Variants in BRCC3 observed in about 807,000 individuals in gnomAD.
BRCC3 encodes the protein BRCA1/BRCA2-containing complex subunit 3.
In BRCC3, 15 loss-of-function variants were observed where a neutral mutation model predicts 28.0. That is an observed-to-expected ratio of 0.54 (90% confidence interval 0.36 to 0.82). The LOEUF (loss-of-function observed/expected upper bound fraction) is 0.82. Ranked by LOEUF, BRCC3 falls within the 40% of genes least tolerant of loss-of-function variation. The probability of loss-of-function intolerance (pLI) is 0.01; values close to 1 mark genes in which losing one functional copy is unlikely to be tolerated. For synonymous variants in BRCC3, 66 were observed against 80.3 expected (o/e 0.82, Z 0.95); for missense variants, 109 against 225.9 (o/e 0.48, Z 3.32).
Position 155,078,637 on chromosome X carries a change from C to A in BRCC3, c.337C>A (p.Arg113Ser). 5 of 1,198,934 alleles carry A rather than the reference C, an allele frequency of 4.2e-6. No homozygotes were observed. The highest frequency in any genetic ancestry group is 5.6e-6 in the Non-Finnish European group (5 of 888,301). ...ACACAGGTTGGCTGAACTGACAGGCCGCCCCATGAGAGTTGTGGGCTGGTA... is the reference window on the plus strand; with the variant it reads ...ACACAGGTTGGCTGAACTGACAGGCAGCCCCATGAGAGTTGTGGGCTGGTA... ...EAERLAELTG[R>S]PMRVVGWYHS... The change falls in exon 5 of 11, where the codon CGC (arginine) becomes AGC (serine). Residue 113 changes from arginine to serine, a missense_variant. Coordinates refer to ENST00000330045, the MANE Select transcript of BRCC3 (RefSeq NM_001018055.3).
At chrX:155,074,531 C>G (rs990007380) in intron 3 of BRCC3, among the ~76,000 whole-genome samples, 5 of 111,723 alleles carry the variant, frequency 4.5e-5, no homozygotes, top group African/African-American at 1.6e-4. Flanking sequence ...TTGTGGACTC[C>G]TCTTCCTCCT....
At chrX:155,106,840 T>C (rs1463364918) in intron 7 of BRCC3, among the ~76,000 whole-genome samples, 2 of 112,267 alleles carry the variant, frequency 1.8e-5, no homozygotes, top group Non-Finnish European at 3.8e-5. Context: ...GCTTTCTTTC[T>C]GTAATGGGGT....
intron 3 of BRCC3, 94 bp downstream of exon 3, chrX:155,073,525 T>C: frequency 1.0e-6 from 1 of 959,354 alleles, no homozygotes; most frequent in Non-Finnish European, 1.4e-6. Flanking sequence ...GGTTTCTGGC[T>C]GGATGAGATA....
chrX:155,105,414 C>T (rs1010181083), intron 7 of BRCC3, among the ~76,000 whole-genome samples: 3 of 111,364 alleles, frequency 2.7e-5, no homozygotes, highest in Non-Finnish European at 5.7e-5. Context: ...ACCCGGGAGG[C>T]GGAGGTTGCA....
At chrX:155,079,752 A>G (rs1201989662) in intron 5 of BRCC3, among the ~76,000 whole-genome samples, 7 of 111,342 alleles carry the variant, frequency 6.3e-5, no homozygotes, top group African/African-American at 2.3e-4. Context: ...AGATTTGCCA[A>G]ACTTTAACAT....
chrX:155,086,507 C>A (rs1037032071), intron 5 of BRCC3, among the ~76,000 whole-genome samples: 1 of 110,930 alleles, frequency 9.0e-6, no homozygotes, highest in Non-Finnish European at 1.9e-5. Flanking sequence ...CGCGCCACCA[C>A]GCCTGGCTAA....
rs1026151257 is a variant in BRCC3, at chrX:155,121,591, G to A, written c.*387G>A. The A allele has an allele frequency of 8.9e-6, 1 of 112,078 alleles. No homozygotes were observed. The highest frequency in any genetic ancestry group is 3.2e-5 in the African/African-American group (1 of 30,868). The allele number at this position is 112,078 out of a possible 1,213,427, so 9.2% of individuals were successfully genotyped here. ...CAAAATGTATAACGGACTTAAATGT[G>A]ATACATAAAACTAGATAACTTTGAA... On this transcript the variant is annotated 3_prime_UTR_variant, in exon 11 of 11. Transcript: ENST00000330045.
intron 5 of BRCC3, among the ~76,000 whole-genome samples, chrX:155,086,636 G>A (rs2074132065): frequency 3.6e-5 from 4 of 111,328 alleles, no homozygotes; most frequent in African/African-American, 1.3e-4. Flanking sequence ...TGCTCACAGC[G>A]CCATCTGGTG....
rs2074169385 is a variant in BRCC3 at position 155,090,800 on chromosome X, A to G, written c.509A>G (p.Tyr170Cys). Residue 170 changes from tyrosine (Y) to cysteine (C), a missense_variant, in exon 7 of 11, where the codon TAC (tyrosine) becomes TGC (cysteine). Tyr to Cys is a radical substitution (Grantham distance 194, BLOSUM62 -2). Around this residue, in one of 3 missense-constraint regions of BRCC3, gnomAD observed 50 missense variants for 115.2 expected, o/e 0.43. Transcript: ENST00000330045. ...DKNTKTGRVL[Y>C]TCFQSIQAQK... ...CTTTGATAGACTGGCCGGGTACTCT[A>G]CACTTGCTTCCAATCCATACAGGCC... 2 of 1,198,236 alleles carry G rather than the reference A, an allele frequency of 1.7e-6. No individual in the cohort carries two copies. The highest frequency in any genetic ancestry group is 2.3e-6 in the Non-Finnish European group (2 of 885,771).
intron 7 of BRCC3, among the ~76,000 whole-genome samples, chrX:155,096,771 A>G (rs1214033861): frequency 1.8e-5 from 2 of 112,603 alleles, no homozygotes; most frequent in Non-Finnish European, 3.8e-5. Context: ...TTATAAAGCT[A>G]TAATAATCAA....
In BRCC3 at chrX:155,073,375, A is replaced by G. The variant is rs782306286; in HGVS notation, c.141-2A>G. 35 of 1,165,725 alleles carry G rather than the reference A, an allele frequency of 3.0e-5. No homozygotes were observed. In the South Asian group the frequency reaches 5.9e-4, roughly 20 times the overall value. On this transcript the variant is annotated splice_acceptor_variant, in intron 2 of 10. Transcript: ENST00000330045. LOFTEE classifies it high-confidence loss of function. ...TTTTTTTTTCTAATTTATTCCCAGT[A>G]GGAGTGACTCCAAATTTGCATATAC...
intron 3 of BRCC3, among the ~76,000 whole-genome samples, chrX:155,075,291 C>CTGAGT (rs1557293383): frequency 1.9e-5 from 2 of 105,281 alleles, no homozygotes; most frequent in Non-Finnish European, 3.9e-5. Context: ...CCCACTCTTT[C>CTGAGT]CCCTGGCCCT....
At chrX:155,071,867 C>T (rs1215482466) in intron 1 of BRCC3, among the ~76,000 whole-genome samples, 1 of 111,931 alleles carries the variant, frequency 8.9e-6, no homozygotes, top group Non-Finnish European at 1.9e-5. Flanking sequence ...CTGTACAGGC[C>T]CCGGGAGCCT....
Position 155,072,911 on chromosome X carries a change from T to C in BRCC3, c.141-466T>C, listed in dbSNP as rs147877228. Among the ~76,000 whole-genome samples, 843 of 111,146 alleles carry C rather than the reference T, an allele frequency of 7.6e-3. 10 individuals are homozygous for C. Among genetic ancestry groups the C allele is most frequent in the African/African-American group, 0.025 (765 of 30,519 alleles). Reference sequence around the variant, plus strand: ...CCCTTAAATGCCAGTGAGATATCAGTAATTTTCTTAGTGACAGAGAGCATA... The same window carrying C: ...CCCTTAAATGCCAGTGAGATATCAGCAATTTTCTTAGTGACAGAGAGCATA... On this transcript the variant is annotated intron_variant, in intron 2 of 10. Coordinates refer to ENST00000330045, the MANE Select transcript of BRCC3 (RefSeq NM_001018055.3).
intron 5 of BRCC3, among the ~76,000 whole-genome samples, chrX:155,079,671 G>A (rs1467983747): frequency 1.8e-5 from 2 of 111,087 alleles, no homozygotes; most frequent in Non-Finnish European, 3.8e-5. Flanking sequence ...GGTGTTAGGT[G>A]GGGATATTGT....
chrX:155,079,428 C>G (rs2074069406), intron 5 of BRCC3, among the ~76,000 whole-genome samples: 1 of 111,550 alleles, frequency 9.0e-6, no homozygotes, highest in South Asian at 3.8e-4. Flanking sequence ...GAGTTGATAG[C>G]AAGTTATATA....
intron 3 of BRCC3, among the ~76,000 whole-genome samples, chrX:155,074,403 C>T (rs5945286): frequency 0.11 from 12,313 of 111,494 alleles, 585 homozygotes; most frequent in African/African-American, 0.18. Context: ...ATTCTACCTT[C>T]GGTGGATTAT....
At chrX:155,106,671 A>G (rs1284634201) in intron 7 of BRCC3, among the ~76,000 whole-genome samples, 10 of 112,530 alleles carry the variant, frequency 8.9e-5, no homozygotes, top group African/African-American at 2.9e-4. Context: ...TTAGGTATAT[A>G]TATTACACTT....
intron 7 of BRCC3, among the ~76,000 whole-genome samples, chrX:155,100,469 T>G (rs782769276): frequency 8.9e-6 from 1 of 112,644 alleles, no homozygotes; most frequent in Non-Finnish European, 1.9e-5. Context: ...AAACAGTTCT[T>G]ATGTCTTTTG....
Sources: gnomAD v4.1 joint callset for allele counts (sites outside exome capture counted in the v4.1 genomes callset) on GRCh38, gnomAD v4.1.1 for gene constraint, gnomAD v4.1.1 regional missense constraint, MANE v1.5 for transcripts, NCBI Gene and HGNC (gene_info 2026-07-23, HGNC 2026-07-21) for gene names.